Variants in BOC observed in about 807,000 individuals in gnomAD.
BOC encodes the protein BOC cell adhesion associated, oncogene regulated, also known as brother of CDO.
BOC carries 76 observed loss-of-function variants against 112.0 expected under a neutral mutation model. The ratio of observed to expected loss-of-function variants is 0.68; its 90% confidence interval spans 0.56 to 0.82. The LOEUF is 0.82. Among genes scored for constraint, BOC ranks in the 40% least tolerant of loss-of-function variants. BOC has a pLI of 0.00. For missense variants in BOC, 1,309 were observed against 1,511.7 expected (o/e 0.87, Z 2.22); for synonymous variants, 580 against 599.8 (o/e 0.97, Z 0.48).
rs749472368 is a variant in BOC at position 113,284,503 on chromosome 3, C to A, written c.2825C>A (p.Pro942His). ...GGGATCCACATGAATAGGGGCTGCC[C>A]CTCGGCTGCAGTGGGCTACCCGGGC... ...ANGIHMNRGC[P>H]SAAVGYPGMK... Residue 942 changes from proline (P) to histidine (H), a missense_variant, in exon 17 of 20, where the codon CCC becomes CAC. Transcript: ENST00000682979. The A allele has an allele frequency of 6.2e-7, 1 of 1,614,144 alleles. No homozygotes were observed. Among genetic ancestry groups the A allele is most frequent in the Non-Finnish European group, 8.5e-7 (1 of 1,179,974 alleles).
intron 7 of BOC, among the ~76,000 whole-genome samples, 166 bp from the exon 8 acceptor site, chr3:113,272,903 T>A (rs1336051418): frequency 6.6e-6 from 1 of 152,014 alleles, no homozygotes; most frequent in Non-Finnish European, 1.5e-5. Context: ...CCTGTCATGA[T>A]TCTGATGGTG....
At chr3:113,272,934 C>T in intron 7 of BOC, 135 bp from the exon 8 acceptor site, 1 of 1,200,324 alleles carries the variant, frequency 8.3e-7, no homozygotes, top group Non-Finnish European at 1.2e-6. Flanking sequence ...ACCTCTCCTT[C>T]CCTCTACTCT....
intron 5 of BOC, among the ~76,000 whole-genome samples, chr3:113,268,836 G>A (rs939440463): frequency 6.6e-6 from 1 of 152,220 alleles, no homozygotes; most frequent in East Asian, 1.9e-4. Context: ...TAGAACTCCT[G>A]AGCTCAAGCA....
intron 2 of BOC, among the ~76,000 whole-genome samples, chr3:113,228,021 C>T (rs866408186): frequency 6.6e-6 from 1 of 152,166 alleles, no homozygotes; most frequent in African/African-American, 2.4e-5. Flanking sequence ...AAGGAAAGAG[C>T]ATTGCCCAGG....
intron 2 of BOC, among the ~76,000 whole-genome samples, chr3:113,228,896 C>T (rs867792369): frequency 1.6e-4 from 24 of 152,198 alleles, no homozygotes; most frequent in Admixed American, 3.3e-4. Flanking sequence ...CCATCCCTGC[C>T]TGGTCTTTTT....
intron 4 of BOC, among the ~76,000 whole-genome samples, chr3:113,265,499 T>C (rs1158991230): frequency 6.6e-6 from 1 of 152,102 alleles, no homozygotes; most frequent in Non-Finnish European, 1.5e-5. Context: ...CACAGCTCGC[T>C]TTGTGGGGAG....
rs775735441 is a variant in BOC at position 113,214,467 on chromosome 3, C to T, written c.-169-1720C>T. Among the ~76,000 whole-genome samples, 82 of 152,160 alleles carry T rather than the reference C, an allele frequency of 5.4e-4. 1 individual carries two copies. Among genetic ancestry groups the T allele is most frequent in the Non-Finnish European group, 5.1e-4 (35 of 68,030 alleles). On this transcript the variant is annotated intron_variant, in intron 1 of 19. Transcript: ENST00000682979. ...CCCTAGGGGGTCTGGGTTCAAATTT[C>T]GGCAAAGCCACTGATGTGGGTAATG...
At chr3:113,266,913 C>T (rs1947545427) in intron 4 of BOC, among the ~76,000 whole-genome samples, 2 of 152,182 alleles carry the variant, frequency 1.3e-5, no homozygotes, top group South Asian at 4.1e-4. Context: ...CCTTAATCAC[C>T]AGGCACTCCT....
chr3:113,283,461 C>G lies in BOC; in HGVS notation c.2485C>G (p.Pro829Ala). 14 of 1,613,486 alleles carry G rather than the reference C, an allele frequency of 8.7e-6. No individual in the cohort carries two copies. The highest frequency in any genetic ancestry group is 1.2e-5 in the Non-Finnish European group (14 of 1,179,512). Residue 829 changes from proline to alanine, a missense_variant, in exon 16 of 20, where the codon CCA (proline) becomes GCA (alanine). Transcript: ENST00000682979. ...PGRLPPPTLA[P>A]PQPPLPETIE... Reference sequence around the variant, plus strand: ...TCGACTGCCACCCCCAACTCTGGCCCCACCACAGCCGCCCCTTCCTGAAAC... The same window carrying G: ...TCGACTGCCACCCCCAACTCTGGCCGCACCACAGCCGCCCCTTCCTGAAAC...
In BOC at chr3:113,283,499, G is replaced by A. The variant is rs773605962; in HGVS notation, c.2523G>A (p.Pro841=). The change falls in exon 16 of 20, where the codon CCG becomes CCA. Residue 841 remains proline (P), a synonymous_variant. Transcript: ENST00000682979. The stretch of plus-strand genomic sequence containing the variant: ...CCCTTCCTGAAACCATAGAGCGGCC[G>A]GTGGGCACTGGGGCCATGGTGGCTC... ...QPPLPETIER[P]VGTGAMVARS... is the part of the protein sequence containing the mutation. The A allele has an allele frequency of 1.5e-5, 24 of 1,614,006 alleles. No individual in the cohort carries two copies. In the South Asian group the frequency reaches 1.5e-4, roughly 10 times the overall value.
intron 4 of BOC, among the ~76,000 whole-genome samples, 167 bp from the exon 5 acceptor site, chr3:113,268,132 A>G (rs1210439671): frequency 9.9e-5 from 15 of 152,146 alleles, no homozygotes; most frequent in Admixed American, 9.8e-4. Context: ...CATTCTTACA[A>G]ACTCCTGTAG....
intron 19 of BOC, 132 bp downstream of exon 19, chr3:113,285,697 G>A: frequency 2.1e-6 from 2 of 942,816 alleles, no homozygotes; most frequent in Non-Finnish European, 3.0e-6. Context: ...TATGTGGGAG[G>A]GATGGGGCAT....
Position 113,248,357 on chromosome 3 carries a change from C to T in BOC, c.-81-1365C>T, listed in dbSNP as rs1945192421. 1.3e-5 allele frequency among the ~76,000 whole-genome samples: 2 copies of T among 152,232 alleles called. 1 individual carries two copies. The highest frequency in any genetic ancestry group is 4.1e-4 in the South Asian group (2 of 4,830). ...GGACTGGCCAGCACAACACATCTCT[C>T]AGTTGAGAAGCTTAACTACTTCTGA... On this transcript the variant is annotated intron_variant, in intron 2 of 19. Coordinates refer to ENST00000682979, the MANE Select transcript of BOC (RefSeq NM_001378074.1).
Position 113,274,635 on chromosome 3 carries a change from G to C in BOC, c.1495G>C (p.Gly499Arg). The change falls in exon 9 of 20, where the codon GGC (glycine) becomes CGC (arginine). Residue 499 changes from glycine to arginine, a missense_variant. Gly to Arg is a moderately radical substitution (Grantham distance 125). Transcript: ENST00000682979. The surrounding 1 kb of genome is among the most constrained non-coding windows in gnomAD (Gnocchi z 4.8). ...YELVWRPRHE[G>R]SGRAPILYYV... ...ACTGGTGTGGCGGCCTCGGCATGAG[G>C]GCAGTGGCCGGGCGCCAATCCTCTA... 3.1e-6 allele frequency: 5 copies of C among 1,609,080 alleles called. No homozygotes were observed. Among genetic ancestry groups the C allele is most frequent in the Non-Finnish European group, 4.2e-6 (5 of 1,176,572 alleles).
At chr3:113,256,376 G>A (rs1390663898) in intron 4 of BOC, among the ~76,000 whole-genome samples, 2 of 152,136 alleles carry the variant, frequency 1.3e-5, no homozygotes, top group African/African-American at 4.8e-5. Flanking sequence ...CACCCCAGCC[G>A]CCTTCAGGAG....
chr3:113,270,992 G>T (rs372165700), intron 6 of BOC, 48 bp downstream of exon 6: 26 of 1,612,422 alleles, frequency 1.6e-5, no homozygotes, highest in Non-Finnish European at 2.0e-5. Flanking sequence ...ACTGATGGAA[G>T]GGCTCACAAA....
intron 2 of BOC, among the ~76,000 whole-genome samples, chr3:113,226,837 G>T (rs1941744469): frequency 6.6e-6 from 1 of 152,190 alleles, no homozygotes; most frequent in Non-Finnish European, 1.5e-5. Flanking sequence ...TCAACAATAA[G>T]CCTTGCCTGA....
At chr3:113,261,975 T>TG (rs879850974) in intron 4 of BOC, 1 of 152,104 alleles carries the variant, frequency 6.6e-6, no homozygotes, top group Non-Finnish European at 1.5e-5. Context: ...AAGGTTTGTT[T>TG]TTTTTTTTAA....
chr3:113,285,350 C>A lies in BOC; in HGVS notation c.2967-22C>A, dbSNP rs768036735. On this transcript the variant is annotated intron_variant, in intron 18 of 19. Coordinates refer to ENST00000682979, the MANE Select transcript of BOC (RefSeq NM_001378074.1). ...CCCACCCTGCCCAGCCCCACCTCCCCATCTGGGCTTGTGCACTGCAGGGGT... is the reference window on the plus strand; with the variant it reads ...CCCACCCTGCCCAGCCCCACCTCCCAATCTGGGCTTGTGCACTGCAGGGGT... The A allele has an allele frequency of 2.0e-5, 33 of 1,610,990 alleles. No individual in the cohort carries two copies. In the Admixed American group the frequency reaches 5.5e-4, roughly 27 times the overall value.
Sources: allele counts gnomAD v4.1 joint callset (sites outside exome capture counted in the v4.1 genomes callset), GRCh38; gene constraint gnomAD v4.1.1; non-coding constraint Gnocchi (gnomAD v3.1); transcripts MANE v1.5; gene names NCBI Gene and HGNC (gene_info 2026-07-23, HGNC 2026-07-21).